The following FAM135B variants were observed in gnomAD, a reference collection of about 807,000 sequenced individuals.
The protein encoded by FAM135B is family with sequence similarity 135 member B, also known as protein FAM135B.
A neutral mutation model predicts 127.7 loss-of-function variants in FAM135B; 43 were observed. The observed-to-expected ratio is 0.34, with a 90% CI of 0.26 to 0.43. The LOEUF (loss-of-function observed/expected upper bound fraction) is 0.43. Ranked by LOEUF, FAM135B falls within the 20% of genes least tolerant of loss-of-function variation. The pLI is 1.00. For synonymous variants in FAM135B, 670 were observed against 665.1 expected (o/e 1.01, Z -0.11); for missense variants, 1,558 against 1,725.6 (o/e 0.90, Z 1.72).
chr8:138,266,565 G>T (rs936680122), intron 3 of FAM135B, among the ~76,000 whole-genome samples: 1 of 150,632 alleles, frequency 6.6e-6, no homozygotes, highest in Non-Finnish European at 1.5e-5. Context: ...TACAGTTGGA[G>T]ATACGTGTAA....
chr8:138,189,165 G>A (rs1815879185), intron 9 of FAM135B, among the ~76,000 whole-genome samples: 1 of 152,188 alleles, frequency 6.6e-6, no homozygotes, highest in South Asian at 2.1e-4. Flanking sequence ...GTTGCACGCT[G>A]GAGAGAAGCA....
At chr8:138,197,824 G>A (rs1009316388) in intron 7 of FAM135B, among the ~76,000 whole-genome samples, 155 bp from the exon 8 acceptor site, 2 of 152,198 alleles carry the variant, frequency 1.3e-5, no homozygotes, top group African/African-American at 4.8e-5. Flanking sequence ...CTGGAACATG[G>A]TTGAAGATTC....
intron 15 of FAM135B, among the ~76,000 whole-genome samples, chr8:138,145,400 T>A (rs1817566571): frequency 6.6e-6 from 1 of 152,154 alleles, no homozygotes; most frequent in Non-Finnish European, 1.5e-5. Flanking sequence ...TCATATATAG[T>A]ATCCTCCTCT....
intron 11 of FAM135B, among the ~76,000 whole-genome samples, chr8:138,175,835 T>C (rs1014245674): frequency 3.9e-5 from 6 of 152,220 alleles, no homozygotes; most frequent in African/African-American, 1.4e-4. Flanking sequence ...GAGTGACCCA[T>C]GTATACAGCA....
chr8:138,223,950 A>G (rs1488416116), intron 7 of FAM135B, among the ~76,000 whole-genome samples: 2 of 151,954 alleles, frequency 1.3e-5, no homozygotes, highest in Non-Finnish European at 2.9e-5. Flanking sequence ...GAAATGTCAC[A>G]TGTTCTCACT....
chr8:138,460,435 G>A (rs1837053537), intron 1 of FAM135B, among the ~76,000 whole-genome samples: 2 of 152,172 alleles, frequency 1.3e-5, no homozygotes, highest in African/African-American at 4.8e-5. Flanking sequence ...TACCCTGGAA[G>A]TGAAGATAAA....
intron 7 of FAM135B, among the ~76,000 whole-genome samples, chr8:138,202,739 AG>A (rs2131177153): frequency 6.6e-6 from 1 of 152,354 alleles, no homozygotes; most frequent in Non-Finnish European, 1.5e-5. Flanking sequence ...GTGTAAAGTC[AG>A]TGCACACTAA....
At chr8:138,350,355 C>T (rs1829695589) in intron 2 of FAM135B, among the ~76,000 whole-genome samples, 1 of 152,176 alleles carries the variant, frequency 6.6e-6, no homozygotes, top group Admixed American at 6.5e-5. Context: ...ACCATTCCAA[C>T]CCTCTAATCA....
chr8:138,268,362 A>C (rs534832976), intron 3 of FAM135B, among the ~76,000 whole-genome samples: 1 of 152,312 alleles, frequency 6.6e-6, no homozygotes, highest in South Asian at 2.1e-4. Context: ...CAGATTGGCA[A>C]ACAGACCACA....
At chr8:138,416,266 C>G (rs925536350) in intron 1 of FAM135B, among the ~76,000 whole-genome samples, 12 of 152,180 alleles carry the variant, frequency 7.9e-5, no homozygotes, top group African/African-American at 2.9e-4. Flanking sequence ...AGACCAGCCA[C>G]TTACTAGTTA....
intron 3 of FAM135B, among the ~76,000 whole-genome samples, chr8:138,291,458 C>T (rs866505039): frequency 6.6e-6 from 1 of 152,228 alleles, no homozygotes; most frequent in Middle Eastern, 3.4e-3. Context: ...GCCAGCATTA[C>T]CTTGATACCA....
chr8:138,273,819 T>C (rs902702875), intron 3 of FAM135B, among the ~76,000 whole-genome samples: 3 of 152,134 alleles, frequency 2.0e-5, no homozygotes, highest in Admixed American at 6.5e-5. Flanking sequence ...CACCTCTCTG[T>C]GTTGTAGAAC....
chr8:138,146,425 T>A (rs1226720729), intron 14 of FAM135B, among the ~76,000 whole-genome samples: 1 of 152,168 alleles, frequency 6.6e-6, no homozygotes, highest in African/African-American at 2.4e-5. Context: ...ATGCGACTCA[T>A]ACGAGCCCCA....
At chr8:138,197,368 G>T in intron 8 of FAM135B, 148 bp downstream of exon 8, 2 of 885,760 alleles carry the variant, frequency 2.3e-6, no homozygotes, top group Non-Finnish European at 3.3e-6. Flanking sequence ...TCCTCTCCTG[G>T]TAGAATAATA....
chr8:138,350,954 A>G (rs1829738683), intron 2 of FAM135B, among the ~76,000 whole-genome samples: 1 of 152,080 alleles, frequency 6.6e-6, no homozygotes. Context: ...ATCATTCACC[A>G]TGTAACCCTA....
chr8:138,407,513 C>T (rs983847286), intron 1 of FAM135B, among the ~76,000 whole-genome samples: 1 of 152,300 alleles, frequency 6.6e-6, no homozygotes, highest in African/African-American at 2.4e-5. Context: ...AACTATACTA[C>T]AAGGCTACAG....
At chr8:138,181,214 C>A (rs904042460) in intron 9 of FAM135B, among the ~76,000 whole-genome samples, 7 of 152,094 alleles carry the variant, frequency 4.6e-5, no homozygotes, top group Non-Finnish European at 1.5e-5. Context: ...ACACTCCAGC[C>A]TGGAGACAGA....
In FAM135B at chr8:138,151,997, G is replaced by C. The variant is rs1310663613; in HGVS notation, c.2478C>G (p.Asp826Glu). ...CTAAAACTATCTCCACCAGGGGATG[G>C]TCTGCTCCAGCATCTGTTCCAGAGT... ...CGDSGTDAGA[D>E]HPLVEIVLDA... The change falls in exon 13 of 20, where the codon GAC becomes GAG. Residue 826 changes from aspartate (D) to glutamate (E), a missense_variant. Transcript: ENST00000395297. The C allele has an allele frequency of 6.2e-7, 1 of 1,614,066 alleles. No homozygotes were observed. The highest frequency in any genetic ancestry group is 8.5e-7 in the Non-Finnish European group (1 of 1,180,014).
At chr8:138,468,873 C>T (rs555266056) in intron 1 of FAM135B, among the ~76,000 whole-genome samples, 30 of 152,184 alleles carry the variant, frequency 2.0e-4, no homozygotes, top group Admixed American at 9.8e-4. Context: ...AGTGAAACCC[C>T]GCCTCTACTA....
Sources: gnomAD v4.1 joint callset for allele counts (sites outside exome capture counted in the v4.1 genomes callset) on GRCh38, gnomAD v4.1.1 for gene constraint, MANE v1.5 for transcripts, NCBI Gene and HGNC (gene_info 2026-07-23, HGNC 2026-07-21) for gene names.